SPOCD1: variants seen among roughly 807,000 people sequenced by gnomAD.
SPOCD1 encodes the protein SPOC domain-containing protein 1.
In SPOCD1, 64 loss-of-function variants were observed where a neutral mutation model predicts 92.2. That is an observed-to-expected ratio of 0.69 (90% CI 0.57 to 0.86). The LOEUF (loss-of-function observed/expected upper bound fraction) is 0.86, where lower values mean the gene tolerates loss of function less well. Ranked by LOEUF, SPOCD1 falls within the 40% of genes least tolerant of loss-of-function variation. The pLI is 0.00. For missense variants in SPOCD1, 1,360 were observed against 1,543.1 expected, an observed-to-expected ratio of 0.88 and a Z score of 1.99; for synonymous variants, 578 against 619.3, an observed-to-expected ratio of 0.93 and a Z score of 0.99.
At chr1:31,800,376 T>A in intron 4 of SPOCD1, 65 bp downstream of exon 4, 3 of 1,476,212 alleles carry the variant, frequency 2.0e-6, no homozygotes, top group Non-Finnish European at 2.7e-6. Flanking sequence ...CTCAGTGACA[T>A]CTCTGTGAAT....
At chr1:31,795,639 GATCC>G (rs1275383184) in intron 10 of SPOCD1, 1 of 152,142 alleles carries the variant, frequency 6.6e-6, no homozygotes, top group Non-Finnish European at 1.5e-5. Flanking sequence ...ACCCCTTAGG[GATCC>G]TCTTGGCACA....
At position 31,815,054 on chromosome 1, in the gene SPOCD1, A is replaced by G; in HGVS notation, c.280T>C (p.Ser94Pro). 2 of 1,613,826 alleles carry G rather than the reference A, an allele frequency of 1.2e-6. No homozygotes were observed. The highest frequency in any genetic ancestry group is 1.7e-6 in the Non-Finnish European group (2 of 1,180,018). The change falls in exon 2 of 16, where the codon TCG becomes CCG. Residue 94 changes from serine (S) to proline (P), a missense_variant. Transcript: ENST00000360482. ...ATGTGGAGCCCAGGAGCCAGCATCG[A>G]GCCCCGGCTCTGTACCACAGCTAGC... ...ELLAVVQSRG[S>P]MLAPGLHMQL...
intron 2 of SPOCD1, among the ~76,000 whole-genome samples, chr1:31,802,103 G>A (rs1432986523): frequency 6.6e-6 from 1 of 152,178 alleles, no homozygotes; most frequent in African/African-American, 2.4e-5. Context: ...AGGAGGCGGA[G>A]GTTGCAGTGA....
intron 2 of SPOCD1, among the ~76,000 whole-genome samples, chr1:31,809,410 T>G (rs1649047512): frequency 6.6e-6 from 1 of 152,074 alleles, no homozygotes; most frequent in African/African-American, 2.4e-5. Flanking sequence ...ACCATTTAAG[T>G]TGAAGATGTG....
intron 2 of SPOCD1, among the ~76,000 whole-genome samples, chr1:31,802,959 A>C (rs780322005): frequency 2.9e-4 from 44 of 151,954 alleles, no homozygotes; most frequent in Admixed American, 6.6e-4. Context: ...TGAACCATGG[A>C]AATGAATCAG....
chr1:31,795,188 A>G (rs955128373), intron 10 of SPOCD1: 2 of 152,188 alleles, frequency 1.3e-5, no homozygotes, highest in South Asian at 2.1e-4. Flanking sequence ...TTTTTTCCTC[A>G]TACTAGAAAT....
chr1:31,807,363 TG>T (rs1409816175), intron 2 of SPOCD1, among the ~76,000 whole-genome samples: 2 of 53,184 alleles, frequency 3.8e-5, no homozygotes, highest in African/African-American at 7.8e-5. Flanking sequence ...CACTCCAGCC[TG>T]GGGGATAGAG....
chr1:31,805,429 G>A (rs1007399305), intron 2 of SPOCD1, among the ~76,000 whole-genome samples: 3 of 152,128 alleles, frequency 2.0e-5, no homozygotes, highest in Non-Finnish European at 2.9e-5. Flanking sequence ...CAAAACATAC[G>A]CAAAGCACAA....
At position 31,798,939 on chromosome 1, in the gene SPOCD1, G is replaced by A. The variant is rs893570636; in HGVS notation, c.1869-338C>T. On this transcript the variant is annotated intron_variant, in intron 7 of 15. Transcript: ENST00000360482. The surrounding 1 kb of genome is among the most constrained non-coding windows in gnomAD (Gnocchi z 4.1). Reference sequence around the variant, plus strand: ...CGGGATGTGTGGAGGGGAGGAAGCCGGGGTCAGGTCAGAGTAAGGCAGGAG... The same window carrying A: ...CGGGATGTGTGGAGGGGAGGAAGCCAGGGTCAGGTCAGAGTAAGGCAGGAG... The A allele has an allele frequency of 4.0e-5, 22 of 554,402 alleles. No homozygotes were observed. The highest frequency in any genetic ancestry group is 1.0e-4 in the Admixed American group (3 of 29,320). 34.3% of individuals were successfully genotyped at this position (554,402 alleles called of 1,614,324 possible). A position where few individuals can be genotyped will look rare whatever the true frequency, so the allele number is the denominator to read the frequency against.
At position 31,792,404 on chromosome 1, in the gene SPOCD1, G is replaced by A; in HGVS notation, c.2776-3C>T. 1 of 1,612,866 alleles carries A rather than the reference G, an allele frequency of 6.2e-7. No individual in the cohort carries two copies. The highest frequency in any genetic ancestry group is 8.5e-7 in the Non-Finnish European group (1 of 1,179,746). ...CACAGTCTGACCACGCAGACGTCCTGCGGTGGCAGGAGGAGAGCAGCTGTA... is the reference window on the plus strand; with the variant it reads ...CACAGTCTGACCACGCAGACGTCCTACGGTGGCAGGAGGAGAGCAGCTGTA... On this transcript the variant is annotated splice_polypyrimidine_tract_variant and splice_region_variant and intron_variant, in intron 14 of 15. Transcript: ENST00000360482.
intron 2 of SPOCD1, among the ~76,000 whole-genome samples, chr1:31,802,625 C>T (rs1648541072): frequency 6.6e-6 from 1 of 152,178 alleles, no homozygotes; most frequent in African/African-American, 2.4e-5. Flanking sequence ...TTTACAGATA[C>T]ATAATAGAGG....
intron 2 of SPOCD1, among the ~76,000 whole-genome samples, chr1:31,811,964 C>A (rs1473726588): frequency 1.3e-5 from 2 of 152,190 alleles, no homozygotes; most frequent in Admixed American, 1.3e-4. Context: ...CAATTCTGGG[C>A]ATCTGGTCCA....
intron 13 of SPOCD1, 62 bp from the exon 14 acceptor site, chr1:31,792,829 T>C: frequency 7.6e-7 from 1 of 1,316,360 alleles, no homozygotes; most frequent in Non-Finnish European, 1.1e-6. Flanking sequence ...GGTGGACGCA[T>C]TCCCAGCCAC....
chr1:31,801,999 C>T (rs1310253931), intron 2 of SPOCD1, among the ~76,000 whole-genome samples: 1 of 152,154 alleles, frequency 6.6e-6, no homozygotes, highest in Non-Finnish European at 1.5e-5. Flanking sequence ...GAAACCCCGT[C>T]TCTACTAAAA....
intron 6 of SPOCD1, 57 bp downstream of exon 6, chr1:31,799,752 C>A: frequency 1.3e-6 from 2 of 1,595,366 alleles, no homozygotes; most frequent in South Asian, 2.2e-5. Flanking sequence ...GGCCTGAGTC[C>A]TCCCCAGACC....
intron 2 of SPOCD1, among the ~76,000 whole-genome samples, chr1:31,803,177 C>G (rs1189419940): frequency 2.6e-5 from 4 of 151,642 alleles, no homozygotes; most frequent in Non-Finnish European, 5.9e-5. Flanking sequence ...ACTATCAGAC[C>G]AGAATACAAA....
At chr1:31,795,318 G>C (rs973393743) in intron 10 of SPOCD1, 1 of 152,210 alleles carries the variant, frequency 6.6e-6, no homozygotes, top group African/African-American at 2.4e-5. Context: ...GCCAGCCTGG[G>C]TTCAAATCTC....
Position 31,798,184 on chromosome 1 carries a change from T to A in SPOCD1, c.2145+23A>T. 3.1e-6 allele frequency: 5 copies of A among 1,588,026 alleles called. No individual in the cohort carries two copies. The highest frequency in any genetic ancestry group is 4.3e-6 in the Non-Finnish European group (5 of 1,156,400). On this transcript the variant is annotated intron_variant, in intron 9 of 15. Coordinates refer to ENST00000360482, the MANE Select transcript of SPOCD1 (RefSeq NM_144569.7). This position sits in a 1 kb window ranked among gnomAD's most constrained non-coding sequence, Gnocchi z 4.1. Reference sequence around the variant, plus strand: ...CTCTGCCCCTACATCCCCTCACCCATCCCGACTGGGCTCAGCACTCACCCT... The same window carrying A: ...CTCTGCCCCTACATCCCCTCACCCAACCCGACTGGGCTCAGCACTCACCCT...
chr1:31,793,176 C>T, intron 13 of SPOCD1, 102 bp downstream of exon 13: 1 of 1,386,866 alleles, frequency 7.2e-7, no homozygotes, highest in Non-Finnish European at 9.7e-7. Context: ...AAGGGGTGCC[C>T]ATGAATTGTT....
Sources: allele counts gnomAD v4.1 joint callset (sites outside exome capture counted in the v4.1 genomes callset), GRCh38; gene constraint gnomAD v4.1.1; non-coding constraint Gnocchi (gnomAD v3.1); transcripts MANE v1.5; gene names NCBI Gene and HGNC (gene_info 2026-07-23, HGNC 2026-07-21).